LGALSL: variants seen among roughly 807,000 people sequenced by gnomAD.
The protein encoded by LGALSL is galectin like, also known as galectin-related protein.
LGALSL carries 13 observed loss-of-function variants against 19.5 expected under a neutral mutation model. That is an observed-to-expected ratio of 0.67 (90% CI 0.43 to 1.06). The LOEUF is 1.06. Ranked by LOEUF, LGALSL falls within the 50% of genes least tolerant of loss-of-function variation. The probability of loss-of-function intolerance (pLI) is 0.00; values close to 1 mark genes in which losing one functional copy is unlikely to be tolerated. For missense variants in LGALSL, 189 were observed against 219.3 expected, an observed-to-expected ratio of 0.86 and a Z score of 0.87; for synonymous variants, 86 against 78.3, an observed-to-expected ratio of 1.10 and a Z score of -0.52.
rs905406691 is a variant in LGALSL at position 64,454,379 on chromosome 2, T to G, written c.-167T>G. ...CCCTCCCCTCCTCCCAGGCTCTGCC[T>G]GCCAGGTCGGCGCCGGGCCCCGGGC... On this transcript the variant is annotated 5_prime_UTR_variant, in exon 1 of 5. Coordinates refer to ENST00000238875, the MANE Select transcript of LGALSL (RefSeq NM_014181.3). The surrounding 1 kb of genome is among the most constrained non-coding windows in gnomAD (Gnocchi z 5.1). The G allele has an allele frequency of 3.4e-5, 13 of 386,568 alleles. No individual in the cohort carries two copies. Among genetic ancestry groups the G allele is most frequent in the Non-Finnish European group, 4.5e-5 (10 of 220,894 alleles). The allele number at this position is 386,568 out of a possible 1,614,324, so 23.9% of individuals were successfully genotyped here.
rs1017366568 is a variant in LGALSL, at chr2:64,454,717, C to A, written c.36+136C>A. On this transcript the variant is annotated intron_variant, in intron 1 of 4. Transcript: ENST00000238875. This position sits in a 1 kb window ranked among gnomAD's most constrained non-coding sequence, Gnocchi z 5.1. ...CGGCGCGTGGGAAGGCGCCCGGTAC[C>A]TGTTAGCAGCCGCTGGCTGCGCGCG... 4.0e-6 allele frequency: 2 copies of A among 495,682 alleles called. No individual in the cohort carries two copies. The highest frequency in any genetic ancestry group is 6.1e-6 in the Non-Finnish European group (2 of 328,868). 30.7% of individuals were successfully genotyped at this position (495,682 alleles called of 1,614,324 possible).
chr2:64,454,656 C>A lies in LGALSL; in HGVS notation c.36+75C>A. 9.2e-7 allele frequency: 1 copy of A among 1,091,944 alleles called. No homozygotes were observed. Among genetic ancestry groups the A allele is most frequent in the South Asian group, 3.5e-5 (1 of 28,766 alleles). The allele number at this position is 1,091,944 out of a possible 1,614,324, so 67.6% of individuals were successfully genotyped here. On this transcript the variant is annotated intron_variant, in intron 1 of 4. Coordinates refer to ENST00000238875, the MANE Select transcript of LGALSL (RefSeq NM_014181.3). The surrounding 1 kb of genome is among the most constrained non-coding windows in gnomAD (Gnocchi z 5.1). ...TCCGCCGCCGCCTGCTCCAGCAGTG[C>A]TGGGGTGCTGAGCAGCCGCAGGCCC... is the stretch of plus-strand genomic sequence containing the variant.
chr2:64,458,672 G>A lies in LGALSL; in HGVS notation c.*244G>A. On this transcript the variant is annotated 3_prime_UTR_variant, in exon 5 of 5. Coordinates refer to ENST00000238875, the MANE Select transcript of LGALSL (RefSeq NM_014181.3). ...TCAGACCAAACTAAAATGGATTTGT[G>A]ATGATTTGTGATTTGGTAGCAAATT... is the stretch of plus-strand genomic sequence containing the variant. 1 of 360,644 alleles carries A rather than the reference G, an allele frequency of 2.8e-6. No homozygotes were observed. The highest frequency in any genetic ancestry group is 5.0e-6 in the Non-Finnish European group (1 of 201,514). The allele number at this position is 360,644 out of a possible 1,614,324, so 22.3% of individuals were successfully genotyped here. A position where few individuals can be genotyped will look rare whatever the true frequency, so the allele number is the denominator to read the frequency against.
rs1686695505 is a variant in LGALSL, at chr2:64,454,438, C to A, written c.-108C>A. On this transcript the variant is annotated 5_prime_UTR_variant, in exon 1 of 5. Coordinates refer to ENST00000238875, the MANE Select transcript of LGALSL (RefSeq NM_014181.3). This position sits in a 1 kb window ranked among gnomAD's most constrained non-coding sequence, Gnocchi z 5.1. ...GCGCGCCCCCTCGTGTGTGCGCGCG[C>A]CCGCCGCCAGCTCGGACCCGCGCCC... The A allele has an allele frequency of 2.0e-6, 1 of 509,718 alleles. No homozygotes were observed. Among genetic ancestry groups the A allele is most frequent in the Non-Finnish European group, 2.8e-6 (1 of 354,384 alleles). 31.6% of individuals were successfully genotyped at this position (509,718 alleles called of 1,614,324 possible).
intron 2 of LGALSL, 86 bp from the exon 3 acceptor site, chr2:64,455,503 C>T (rs1686720959): frequency 1.3e-6 from 2 of 1,495,114 alleles, no homozygotes; most frequent in Admixed American, 3.3e-5. Context: ...ATTGCATTTT[C>T]CAGTGGGTCA....
intron 4 of LGALSL, among the ~76,000 whole-genome samples, chr2:64,456,672 T>C (rs1686742144): frequency 6.6e-6 from 1 of 152,240 alleles, no homozygotes; most frequent in Non-Finnish European, 1.5e-5. Flanking sequence ...TCTATTCAGG[T>C]CATACATTTA....
intron 4 of LGALSL, 83 bp from the exon 5 acceptor site, chr2:64,458,202 C>T (rs1686766415): frequency 7.7e-7 from 1 of 1,306,894 alleles, no homozygotes; most frequent in East Asian, 2.3e-5. Context: ...AAGATACTGC[C>T]TTTCTTTCTC....
Position 64,459,949 on chromosome 2 carries a change from G to A in LGALSL, c.*1521G>A, listed in dbSNP as rs1166990259. 1.3e-5 allele frequency: 2 copies of A among 151,726 alleles called. No individual in the cohort carries two copies. The highest frequency in any genetic ancestry group is 2.9e-5 in the Non-Finnish European group (2 of 67,940). 9.4% of individuals were successfully genotyped at this position (151,726 alleles called of 1,614,324 possible). A position where few individuals can be genotyped will look rare whatever the true frequency, so the allele number is the denominator to read the frequency against. Reference sequence around the variant, plus strand: ...GGGGGTGTATTTATATATAATTTAGGTTTTGTTTGTACAGCATACTGTGTC... The same window carrying A: ...GGGGGTGTATTTATATATAATTTAGATTTTGTTTGTACAGCATACTGTGTC... On this transcript the variant is annotated 3_prime_UTR_variant, in exon 5 of 5. Coordinates refer to ENST00000238875, the MANE Select transcript of LGALSL (RefSeq NM_014181.3).
At position 64,458,542 on chromosome 2, in the gene LGALSL, C is replaced by T. The variant is rs530130151; in HGVS notation, c.*114C>T. On this transcript the variant is annotated 3_prime_UTR_variant, in exon 5 of 5. Transcript: ENST00000238875. ...TTAAAAAGAAAACAAAAACAAATGG[C>T]AAGTTTCACTTAAGGGTGGTTTGCC... The T allele has an allele frequency of 1.8e-6, 2 of 1,083,990 alleles. No individual in the cohort carries two copies. Among genetic ancestry groups the T allele is most frequent in the South Asian group, 3.4e-5 (2 of 59,312 alleles). 67.1% of individuals were successfully genotyped at this position (1,083,990 alleles called of 1,614,324 possible).
chr2:64,456,259 C>G (rs776391996), intron 3 of LGALSL, 29 bp from the exon 4 acceptor site: 6 of 1,597,898 alleles, frequency 3.8e-6, no homozygotes, highest in Non-Finnish European at 4.3e-6. Context: ...ATATCCAACC[C>G]TTAATCAGTG....
chr2:64,458,207 T>G, intron 4 of LGALSL, 78 bp from the exon 5 acceptor site: 1 of 1,361,224 alleles, frequency 7.3e-7, no homozygotes, highest in Non-Finnish European at 1.0e-6. Flanking sequence ...ACTGCCTTTC[T>G]TTCTCTAAAA....
rs1313232369 is a variant in LGALSL at position 64,459,680 on chromosome 2, T to G, written c.*1252T>G. 6.6e-6 allele frequency: 1 copy of G among 152,226 alleles called. No homozygotes were observed. The highest frequency in any genetic ancestry group is 2.4e-5 in the African/African-American group (1 of 41,452). 9.4% of individuals were successfully genotyped at this position (152,226 alleles called of 1,614,324 possible). A position where few individuals can be genotyped will look rare whatever the true frequency, so the allele number is the denominator to read the frequency against. ...TATCTGAAAGGTTAACTCCCAGGAC[T>G]CCAGGTCTTTGAATCCAGCCAGTAG... On this transcript the variant is annotated 3_prime_UTR_variant, in exon 5 of 5. Transcript: ENST00000238875.
chr2:64,458,181 G>C (rs1686764722), intron 4 of LGALSL, 104 bp from the exon 5 acceptor site: 1 of 1,084,798 alleles, frequency 9.2e-7, no homozygotes, highest in African/African-American at 1.6e-5. Flanking sequence ...TCTGATGTTT[G>C]TGAACCACTG....
chr2:64,458,191 G>A, intron 4 of LGALSL, 94 bp from the exon 5 acceptor site: 1 of 1,188,430 alleles, frequency 8.4e-7, no homozygotes, highest in South Asian at 1.4e-5. Flanking sequence ...GTGAACCACT[G>A]AAGATACTGC....
chr2:64,461,087 A>G lies in LGALSL; in HGVS notation c.*2659A>G, dbSNP rs1686818290. The G allele has an allele frequency of 6.6e-6, 1 of 152,204 alleles. No homozygotes were observed. The highest frequency in any genetic ancestry group is 1.5e-5 in the Non-Finnish European group (1 of 68,030). 9.4% of individuals were successfully genotyped at this position (152,204 alleles called of 1,614,324 possible). ...CCCCATTTCAAATCTTGCCGACCTTAGTTCAAAGCCCCCTGAGAGATCACT... is the reference window on the plus strand; with the variant it reads ...CCCCATTTCAAATCTTGCCGACCTTGGTTCAAAGCCCCCTGAGAGATCACT... On this transcript the variant is annotated 3_prime_UTR_variant, in exon 5 of 5. Transcript: ENST00000238875.
At position 64,460,053 on chromosome 2, in the gene LGALSL, G is replaced by A. The variant is rs1686793978; in HGVS notation, c.*1625G>A. ...TTACACAACATGCAGAGGCACTGAA[G>A]TGACCATGTCATTTTCAAGTGTCAA... On this transcript the variant is annotated 3_prime_UTR_variant, in exon 5 of 5. Coordinates refer to ENST00000238875, the MANE Select transcript of LGALSL (RefSeq NM_014181.3). 2 of 150,362 alleles carry A rather than the reference G, an allele frequency of 1.3e-5. No individual in the cohort carries two copies. Among genetic ancestry groups the A allele is most frequent in the Admixed American group, 1.3e-4 (2 of 15,110 alleles). The allele number at this position is 150,362 out of a possible 1,614,324, so 9.3% of individuals were successfully genotyped here. A position where few individuals can be genotyped will look rare whatever the true frequency, so the allele number is the denominator to read the frequency against.
chr2:64,455,741 T>G (rs1473999986), intron 3 of LGALSL, 64 bp downstream of exon 3: 1 of 1,243,736 alleles, frequency 8.0e-7, no homozygotes. Context: ...CCACTTCTGT[T>G]GTGGTTTAGC....
At chr2:64,457,783 G>C (rs1042111770) in intron 4 of LGALSL, among the ~76,000 whole-genome samples, 2 of 152,128 alleles carry the variant, frequency 1.3e-5, no homozygotes, top group African/African-American at 4.8e-5. Context: ...CTAGAATGGT[G>C]ATGTCCCCTT....
chr2:64,454,410 C>T lies in LGALSL; in HGVS notation c.-136C>T, dbSNP rs890241741. The T allele has an allele frequency of 2.6e-6, 1 of 383,592 alleles. No homozygotes were observed. The highest frequency in any genetic ancestry group is 1.2e-4 in the South Asian group (1 of 8,098). The allele number at this position is 383,592 out of a possible 1,614,324, so 23.8% of individuals were successfully genotyped here. A position where few individuals can be genotyped will look rare whatever the true frequency, so the allele number is the denominator to read the frequency against. On this transcript the variant is annotated 5_prime_UTR_variant, in exon 1 of 5. Coordinates refer to ENST00000238875, the MANE Select transcript of LGALSL (RefSeq NM_014181.3). The surrounding 1 kb of genome is among the most constrained non-coding windows in gnomAD (Gnocchi z 5.1). Reference sequence around the variant, plus strand: ...GTCGGCGCCGGGCCCCGGGCGCGCGCGCGCGCGCCCCCTCGTGTGTGCGCG... The same window carrying T: ...GTCGGCGCCGGGCCCCGGGCGCGCGTGCGCGCGCCCCCTCGTGTGTGCGCG...
Sources: gnomAD v4.1 joint callset for allele counts (sites outside exome capture counted in the v4.1 genomes callset) on GRCh38, gnomAD v4.1.1 for gene constraint, Gnocchi (gnomAD v3.1) non-coding constraint, MANE v1.5 for transcripts, NCBI Gene and HGNC (gene_info 2026-07-23, HGNC 2026-07-21) for gene names.